The following TEP1 variants were observed in gnomAD, a reference collection of about 807,000 sequenced individuals.
TEP1 encodes the protein telomerase protein component 1.
TEP1 carries 241 observed loss-of-function variants against 306.3 expected under a neutral mutation model. The observed-to-expected ratio is 0.79, with a 90% CI of 0.71 to 0.88. The LOEUF (loss-of-function observed/expected upper bound fraction) is 0.88, where lower values mean the gene tolerates loss of function less well. Ranked by LOEUF, TEP1 falls within the 40% of genes least tolerant of loss-of-function variation. TEP1 has a pLI of 0.00. For synonymous variants in TEP1, 1,289 were observed against 1,305.5 expected, an observed-to-expected ratio of 0.99 and a Z score of 0.27; for missense variants, 3,051 against 3,276.1, an observed-to-expected ratio of 0.93 and a Z score of 1.68.
intron 16 of TEP1, 96 bp downstream of exon 16, chr14:20,389,514 C>T: frequency 2.6e-6 from 4 of 1,553,704 alleles, no homozygotes; most frequent in Non-Finnish European, 3.5e-6. Context: ...TGGGGAGATC[C>T]CTGCCAAGTG....
In TEP1 at chr14:20,390,671, T is replaced by C; in HGVS notation, c.2334+10A>G. On this transcript the variant is annotated intron_variant, in intron 15 of 54. Transcript: ENST00000262715. Reference sequence around the variant, plus strand: ...GGGAGGGAGAGGGTTTCTCAGGGATTAATACTCACAGGAACCCTTTGGCCA... The same window carrying C: ...GGGAGGGAGAGGGTTTCTCAGGGATCAATACTCACAGGAACCCTTTGGCCA... 6.2e-7 allele frequency: 1 copy of C among 1,613,586 alleles called. No homozygotes were observed. Among genetic ancestry groups the C allele is most frequent in the Non-Finnish European group, 8.5e-7 (1 of 1,179,504 alleles).
At chr14:20,383,078 A>G (rs946103140) in intron 27 of TEP1, 96 bp downstream of exon 27, 3 of 1,324,838 alleles carry the variant, frequency 2.3e-6, no homozygotes, top group Admixed American at 5.1e-5. Flanking sequence ...ACAAAGGAGC[A>G]GGTCTGTGCA....
rs767714867 is a variant in TEP1, at chr14:20,386,579, A to G, written c.2729T>C (p.Met910Thr). 3.1e-6 allele frequency: 5 copies of G among 1,608,474 alleles called. No homozygotes were observed. Among genetic ancestry groups the G allele is most frequent in the African/African-American group, 1.3e-5 (1 of 74,878 alleles). Residue 910 changes from methionine to threonine, a missense_variant, in exon 19 of 55, where the codon ATG becomes ACG. Transcript: ENST00000262715. ...CAGCAGCAGGTCCCGCTCCCCATGC[A>G]TGTCTCGGAAAGTGGATGAAATGAA... Reference protein sequence around the residue: ...RLFISSTFRDMHGERDLLLRS... With the variant: ...RLFISSTFRDTHGERDLLLRS...
chr14:20,398,102 G>A (rs989759836), intron 9 of TEP1, among the ~76,000 whole-genome samples: 4 of 151,610 alleles, frequency 2.6e-5, no homozygotes, highest in South Asian at 2.1e-4. Context: ...ATTTTAGGCC[G>A]GGTGCAGTGG....
rs762667357 is a variant in TEP1 at position 20,396,610 on chromosome 14, C to T, written c.1659+11G>A. On this transcript the variant is annotated intron_variant, in intron 10 of 54. Coordinates refer to ENST00000262715, the MANE Select transcript of TEP1 (RefSeq NM_007110.5). ...TGCTGGGCCCCATGGCTACCAGCCC[C>T]TCACACATACCGCATGCTGGAGTCT... 6.3e-6 allele frequency: 10 copies of T among 1,599,226 alleles called. No individual in the cohort carries two copies. The Admixed American group carries it at 1.5e-4, about 24-fold the overall frequency.
intron 49 of TEP1, 78 bp from the exon 50 acceptor site, chr14:20,371,710 T>C (rs1369560283): frequency 5.5e-6 from 8 of 1,462,836 alleles, no homozygotes; most frequent in Non-Finnish European, 7.3e-6. Context: ...CCCACATGAA[T>C]TCCTCAGGAA....
intron 51 of TEP1, 142 bp from the exon 52 acceptor site, chr14:20,369,921 T>TTTTTC (rs1884730830): frequency 1.6e-6 from 1 of 624,224 alleles, no homozygotes; most frequent in African/African-American, 1.9e-5. Context: ...TGCGCAAATT[T>TTTTTC]TTTTTTTTTT....
Position 20,386,191 on chromosome 14 carries a change from G to A in TEP1, c.2866C>T (p.Leu956=). The A allele has an allele frequency of 1.2e-6, 2 of 1,614,048 alleles. No individual in the cohort carries two copies. Among genetic ancestry groups the A allele is most frequent in the Non-Finnish European group, 1.7e-6 (2 of 1,179,980 alleles). ...TEEETRRNRQ[L]EVCLGEVENA... ...TCCACCTCCCCAAGGCACACTTCCAGTTGTCTGTAGGCATGATGATAGGGA... is the reference window on the plus strand; with the variant it reads ...TCCACCTCCCCAAGGCACACTTCCAATTGTCTGTAGGCATGATGATAGGGA... Residue 956 remains leucine (L), a synonymous_variant, in exon 20 of 55, where the codon CTG becomes TTG. Transcript: ENST00000262715.
At chr14:20,409,285 T>C (rs140613583) in intron 1 of TEP1, among the ~76,000 whole-genome samples, 1 of 152,372 alleles carries the variant, frequency 6.6e-6, no homozygotes, top group Non-Finnish European at 1.5e-5. Context: ...AAAACTATTC[T>C]GACTAGATCT....
rs377745887 is a variant in TEP1 at position 20,396,587 on chromosome 14, C to T, written c.1659+34G>A. The T allele has an allele frequency of 3.8e-5, 60 of 1,565,470 alleles. No individual in the cohort carries two copies. The South Asian group carries it at 5.6e-4, about 15-fold the overall frequency. On this transcript the variant is annotated intron_variant, in intron 10 of 54. Coordinates refer to ENST00000262715, the MANE Select transcript of TEP1 (RefSeq NM_007110.5). ...GCCTCTCCACGTGCACATCTAGTTGCTGGGCCCCATGGCTACCAGCCCCTC... is the reference window on the plus strand; with the variant it reads ...GCCTCTCCACGTGCACATCTAGTTGTTGGGCCCCATGGCTACCAGCCCCTC...
In TEP1 at chr14:20,401,465, C is replaced by G. The variant is rs774571415; in HGVS notation, c.1383G>C (p.Leu461=). 6.2e-7 allele frequency: 1 copy of G among 1,614,110 alleles called. No individual in the cohort carries two copies. The highest frequency in any genetic ancestry group is 1.7e-5 in the Admixed American group (1 of 60,006). ...AGGGTGCAGCTTCTCACCTGTAACC[C>G]AGCAGGGCTTGAACGTGCTGGGCAG... ...HKPAQHVQAL[L]GYRYPSNLQL... Residue 461 remains leucine (L), a synonymous_variant, in exon 8 of 55, where the codon CTG becomes CTC. Transcript: ENST00000262715.
At chr14:20,394,457 T>G (rs1049844134) in intron 12 of TEP1, among the ~76,000 whole-genome samples, 14 of 150,378 alleles carry the variant, frequency 9.3e-5, no homozygotes, top group Admixed American at 4.6e-4. Context: ...AAATACCATT[T>G]GGACTGGCCC....
In TEP1 at chr14:20,387,910, C is replaced by T. The variant is rs752472847; in HGVS notation, c.2679G>A (p.Gln893=). ...GCATAGAAACACAGACTGACCCTTG[C>T]TGGGAAACAGGAGCCAAGGGGCTTG... is the stretch of plus-strand genomic sequence containing the variant. The part of the protein sequence containing the change: ...DTPSPLAPVS[Q]QGWRSIRLFI... The change falls in exon 18 of 55, where the codon CAG becomes CAA. Residue 893 remains glutamine, a synonymous_variant. Coordinates refer to ENST00000262715, the MANE Select transcript of TEP1 (RefSeq NM_007110.5). 5.0e-6 allele frequency: 8 copies of T among 1,603,560 alleles called. No individual in the cohort carries two copies. The highest frequency in any genetic ancestry group is 1.3e-5 in the African/African-American group (1 of 74,354).
At chr14:20,368,603 C>G (rs747172102) in intron 54 of TEP1, 44 bp from the exon 55 acceptor site, 1 of 1,607,696 alleles carries the variant, frequency 6.2e-7, no homozygotes, top group Admixed American at 1.7e-5. Flanking sequence ...CTACAAGCCT[C>G]CTTACTAACT....
At chr14:20,396,477 A>G in intron 10 of TEP1, 144 bp downstream of exon 10, 1 of 572,782 alleles carries the variant, frequency 1.7e-6, no homozygotes, top group Non-Finnish European at 3.1e-6. Flanking sequence ...GTATTCCCAG[A>G]TCTACTTACA....
At chr14:20,373,881 G>A (rs935759413) in intron 44 of TEP1, 71 bp from the exon 45 acceptor site, 19 of 1,556,486 alleles carry the variant, frequency 1.2e-5, no homozygotes, top group Admixed American at 3.5e-5. Context: ...TTCCTCCACA[G>A]AGGTGGGTGG....
intron 12 of TEP1, 118 bp from the exon 13 acceptor site, chr14:20,391,885 T>C (rs558432457): frequency 3.6e-6 from 4 of 1,115,758 alleles, no homozygotes; most frequent in African/African-American, 1.6e-5. Flanking sequence ...TCAAGCACCA[T>C]ACCCGCTTCC....
In TEP1 at chr14:20,376,408, G is replaced by A. The variant is rs189644175; in HGVS notation, c.6089-144C>T. The A allele has an allele frequency of 4.8e-5, 40 of 841,700 alleles. 1 individual carries two copies. The highest frequency in any genetic ancestry group is 2.9e-4 in the Admixed American group (10 of 34,698). The allele number at this position is 841,700 out of a possible 1,614,324, so 52.1% of individuals were successfully genotyped here. On this transcript the variant is annotated intron_variant, in intron 41 of 54. Transcript: ENST00000262715. ...TGGGAGGGATGCAGGGAGTCACAAG[G>A]CTGTGGAGAGGCCCTGGGCAAGGGT...
chr14:20,401,292 A>T (rs1878715581), intron 8 of TEP1, 151 bp from the exon 9 acceptor site: 19 of 1,371,524 alleles, frequency 1.4e-5, no homozygotes, highest in Middle Eastern at 2.5e-4. Flanking sequence ...TTTACAGGTG[A>T]GTCAGAAAAG....
Sources: allele counts gnomAD v4.1 joint callset (sites outside exome capture counted in the v4.1 genomes callset), GRCh38; gene constraint gnomAD v4.1.1; transcripts MANE v1.5; gene names NCBI Gene and HGNC (gene_info 2026-07-23, HGNC 2026-07-21).